The following SYTL3 variants were observed in gnomAD, a reference collection of about 807,000 sequenced individuals.
The protein encoded by SYTL3 is synaptotagmin like 3.
A neutral mutation model predicts 82.1 loss-of-function variants in SYTL3; 88 were observed. That is an observed-to-expected ratio of 1.07 (90% CI 0.90 to 1.28). The LOEUF (loss-of-function observed/expected upper bound fraction) is 1.28, where lower values mean the gene tolerates loss of function less well. Among genes scored for constraint, SYTL3 ranks in the 50% most tolerant of loss-of-function variants. The probability of loss-of-function intolerance (pLI) is 0.00; values close to 1 mark genes in which losing one functional copy is unlikely to be tolerated. For synonymous variants in SYTL3, 311 were observed against 289.4 expected, an observed-to-expected ratio of 1.07 and a Z score of -0.76; for missense variants, 831 against 757.6, an observed-to-expected ratio of 1.10 and a Z score of -1.14.
intron 17 of SYTL3, 71 bp downstream of exon 17, chr6:158,763,580 T>C: frequency 2.9e-6 from 4 of 1,373,356 alleles, no homozygotes; most frequent in Admixed American, 1.7e-5. Flanking sequence ...GCAAAGAAAA[T>C]GCTTCCACCA....
chr6:158,703,074 A>G (rs1181560526), intron 6 of SYTL3, among the ~76,000 whole-genome samples: 1 of 149,856 alleles, frequency 6.7e-6, no homozygotes, highest in East Asian at 2.0e-4. Flanking sequence ...GAATCACTCG[A>G]ACCTGGGAGG....
chr6:158,708,567 C>T (rs1271767420), intron 8 of SYTL3, among the ~76,000 whole-genome samples, 176 bp downstream of exon 8: 1 of 152,166 alleles, frequency 6.6e-6, no homozygotes, highest in Non-Finnish European at 1.5e-5. Context: ...CTGGGCAGAG[C>T]TTCTCTCCTC....
intron 17 of SYTL3, among the ~76,000 whole-genome samples, chr6:158,764,035 A>G (rs996380563): frequency 3.9e-5 from 6 of 152,238 alleles, no homozygotes; most frequent in African/African-American, 1.4e-4. Flanking sequence ...AGGACCTCCA[A>G]CTGAGAACCA....
intron 10 of SYTL3, among the ~76,000 whole-genome samples, chr6:158,720,379 C>T (rs1783953030): frequency 7.6e-6 from 1 of 130,762 alleles, no homozygotes; most frequent in African/African-American, 3.0e-5. Flanking sequence ...ACGCTCCAGC[C>T]TGGGTGACAA....
intron 6 of SYTL3, among the ~76,000 whole-genome samples, chr6:158,698,937 ATG>A (rs376540778): frequency 6.6e-6 from 1 of 152,030 alleles, no homozygotes; most frequent in African/African-American, 2.4e-5. Context: ...CTTACACAGG[ATG>A]TTATTCCCAC....
At chr6:158,705,559 A>G (rs73016283) in intron 6 of SYTL3, among the ~76,000 whole-genome samples, 1,222 of 85,112 alleles carry the variant, frequency 0.014, 25 homozygotes, top group Middle Eastern at 0.03. Context: ...GGTCACATAG[A>G]GCAGCGGGGG....
At chr6:158,655,122 G>A (rs1030824610) in intron 2 of SYTL3, among the ~76,000 whole-genome samples, 4 of 152,152 alleles carry the variant, frequency 2.6e-5, no homozygotes, top group Admixed American at 1.3e-4. Flanking sequence ...GGAGATTTCC[G>A]TATTCAAGCT....
intron 11 of SYTL3, among the ~76,000 whole-genome samples, chr6:158,744,399 T>C (rs9295085): frequency 0.28 from 40,729 of 145,790 alleles, 5,858 homozygotes; most frequent in South Asian, 0.35. Flanking sequence ...CTCCGCCTCC[T>C]GGGTTCACGC....
chr6:158,666,372 G>A (rs753312141), intron 5 of SYTL3, among the ~76,000 whole-genome samples: 1 of 152,138 alleles, frequency 6.6e-6, no homozygotes, highest in Non-Finnish European at 1.5e-5. Context: ...TGGTGTTTAG[G>A]GGGTTTTAAT....
intron 11 of SYTL3, among the ~76,000 whole-genome samples, chr6:158,740,775 G>A (rs1401532205): frequency 6.6e-5 from 10 of 152,172 alleles, no homozygotes; most frequent in South Asian, 2.1e-4. Flanking sequence ...TGGTTGGACC[G>A]TGAATTTTAT....
intron 11 of SYTL3, chr6:158,726,912 C>T (rs35453989): frequency 0.18 from 27,116 of 149,476 alleles, 3,050 homozygotes; most frequent in Non-Finnish European, 0.25. Flanking sequence ...TGCAGTGGCG[C>T]GATCTTGGCT....
intron 8 of SYTL3, among the ~76,000 whole-genome samples, chr6:158,713,203 G>A (rs1439558478): frequency 2.6e-5 from 4 of 152,058 alleles, no homozygotes; most frequent in Non-Finnish European, 4.4e-5. Context: ...TGGATGGGTG[G>A]TAATGTAAGA....
chr6:158,761,460 G>A (rs1224263301), intron 15 of SYTL3, among the ~76,000 whole-genome samples: 4 of 151,798 alleles, frequency 2.6e-5, no homozygotes, highest in African/African-American at 4.8e-5. Context: ...CTGCCACCAT[G>A]CCCGGCTAAT....
chr6:158,759,594 G>C (rs949830328), intron 14 of SYTL3, among the ~76,000 whole-genome samples: 1 of 152,172 alleles, frequency 6.6e-6, no homozygotes, highest in East Asian at 1.9e-4. Flanking sequence ...GTGAAGTGGC[G>C]TGATCTTGGC....
chr6:158,718,258 T>C (rs1783654999), intron 10 of SYTL3, 47 bp downstream of exon 10: 2 of 1,393,904 alleles, frequency 1.4e-6, no homozygotes, highest in South Asian at 1.7e-5. Context: ...CTTCATGTTG[T>C]CTTCCAGAAC....
intron 6 of SYTL3, among the ~76,000 whole-genome samples, chr6:158,689,835 G>A (rs1163903122): frequency 2.0e-5 from 3 of 152,026 alleles, no homozygotes; most frequent in East Asian, 3.9e-4. Context: ...TGTATTTTTA[G>A]TAGAGACGGG....
At chr6:158,707,618 G>T (rs2128455134) in intron 7 of SYTL3, among the ~76,000 whole-genome samples, 1 of 152,272 alleles carries the variant, frequency 6.6e-6, no homozygotes, top group Non-Finnish European at 1.5e-5. Flanking sequence ...GATTAATCAT[G>T]CCTATCTCTA....
chr6:158,764,421 C>G (rs1790490300), intron 17 of SYTL3, 74 bp from the exon 18 acceptor site: 4 of 1,171,470 alleles, frequency 3.4e-6, no homozygotes, highest in Non-Finnish European at 5.0e-6. Flanking sequence ...GGCTGGTCAT[C>G]ATTTTTAAAG....
At chr6:158,749,694 C>A (rs780240119) in intron 12 of SYTL3, among the ~76,000 whole-genome samples, 1 of 151,850 alleles carries the variant, frequency 6.6e-6, no homozygotes, top group Non-Finnish European at 1.5e-5. Flanking sequence ...CACTATGTTG[C>A]CCAAGCTGGT....
Sources: allele counts gnomAD v4.1 joint callset (sites outside exome capture counted in the v4.1 genomes callset), GRCh38; gene constraint gnomAD v4.1.1; transcripts MANE v1.5; gene names NCBI Gene and HGNC (gene_info 2026-07-23, HGNC 2026-07-21).